RBFOX3: variants seen among roughly 807,000 people sequenced by gnomAD.
The protein encoded by RBFOX3 is RNA binding fox-1 homolog 3, also known as RNA binding protein fox-1 homolog 3.
In RBFOX3, 17 loss-of-function variants were observed where a neutral mutation model predicts 48.7. The ratio of observed to expected loss-of-function variants is 0.35; its 90% confidence interval spans 0.24 to 0.52. The LOEUF (loss-of-function observed/expected upper bound fraction) is 0.52. Among genes scored for constraint, RBFOX3 ranks in the 20% least tolerant of loss-of-function variants. The probability of loss-of-function intolerance (pLI) is 0.94; values close to 1 mark genes in which losing one functional copy is unlikely to be tolerated. For missense variants in RBFOX3, 382 were observed against 497.5 expected, an observed-to-expected ratio of 0.77 and a Z score of 2.21; for synonymous variants, 212 against 209.5, an observed-to-expected ratio of 1.01 and a Z score of -0.10.
At chr17:79,156,987 G>A (rs187864246) in intron 4 of RBFOX3, among the ~76,000 whole-genome samples, 8 of 152,332 alleles carry the variant, frequency 5.3e-5, no homozygotes, top group Non-Finnish European at 1.2e-4. Flanking sequence ...GAGCCACACT[G>A]TCTGGTCTGC....
intron 3 of RBFOX3, among the ~76,000 whole-genome samples, chr17:79,307,143 C>T (rs1338023135): frequency 1.3e-5 from 2 of 152,250 alleles, no homozygotes; most frequent in Non-Finnish European, 2.9e-5. Flanking sequence ...ATATAGGCTG[C>T]GGCCACCTCG....
chr17:79,563,335 C>T (rs2092326537), intron 1 of RBFOX3, among the ~76,000 whole-genome samples: 2 of 152,330 alleles, frequency 1.3e-5, no homozygotes, highest in Non-Finnish European at 2.9e-5. Context: ...TCAGAGACAG[C>T]GGCCTGGTGA....
intron 2 of RBFOX3, among the ~76,000 whole-genome samples, chr17:79,435,426 T>C (rs2069223261): frequency 6.6e-6 from 1 of 152,242 alleles, no homozygotes; most frequent in African/African-American, 2.4e-5. Flanking sequence ...AACACAGGCT[T>C]GTCCCCATGC....
chr17:79,136,851 G>A (rs1278510179), intron 4 of RBFOX3, among the ~76,000 whole-genome samples: 2 of 152,156 alleles, frequency 1.3e-5, no homozygotes, highest in Non-Finnish European at 2.9e-5. Flanking sequence ...CCACTTCCTA[G>A]GAGATAGTCA....
intron 1 of RBFOX3, among the ~76,000 whole-genome samples, chr17:79,512,509 G>A (rs2084487983): frequency 1.4e-5 from 2 of 145,694 alleles, no homozygotes; most frequent in East Asian, 2.1e-4. Context: ...CCCATGGCCA[G>A]GGGACACCCA....
chr17:79,603,496 G>T (rs902790005), intron 1 of RBFOX3, among the ~76,000 whole-genome samples: 80 of 152,312 alleles, frequency 5.3e-4, no homozygotes, highest in African/African-American at 1.9e-3. Flanking sequence ...GAGCTGCTGG[G>T]GGCTGCTCCA....
chr17:79,137,791 T>C (rs891953044), intron 4 of RBFOX3, among the ~76,000 whole-genome samples: 3 of 152,206 alleles, frequency 2.0e-5, no homozygotes, highest in Non-Finnish European at 4.4e-5. Flanking sequence ...AATGAAGTTT[T>C]TGGGTCTGCT....
At chr17:79,340,969 A>G (rs2081995512) in intron 2 of RBFOX3, among the ~76,000 whole-genome samples, 1 of 152,244 alleles carries the variant, frequency 6.6e-6, no homozygotes, top group Non-Finnish European at 1.5e-5. Flanking sequence ...CAATGGAGAA[A>G]CAGTTACACC....
chr17:79,474,095 T>C (rs1474341314), intron 2 of RBFOX3, among the ~76,000 whole-genome samples: 1 of 150,234 alleles, frequency 6.7e-6, no homozygotes, highest in Non-Finnish European at 1.5e-5. Context: ...GGCAACCCCC[T>C]CTGAGGAATG....
At chr17:79,626,576 T>C in the RBFOX3 span, among the ~76,000 whole-genome samples, 1 of 152,246 alleles carries the variant, frequency 6.6e-6, no homozygotes, top group Non-Finnish European at 1.5e-5. Context: ...GATATTCAGC[T>C]GGGCACCTCA....
At chr17:79,120,628 T>G (rs1276120337) in intron 4 of RBFOX3, among the ~76,000 whole-genome samples, 2 of 122,080 alleles carry the variant, frequency 1.6e-5, no homozygotes, top group East Asian at 2.4e-4. Flanking sequence ...GAAAGAAGGG[T>G]GGATGAAAAA....
In RBFOX3 at chr17:79,249,220, A is replaced by G. The variant is rs2063589328; in HGVS notation, c.-73-13415T>C. Among the ~76,000 whole-genome samples, 1 of 152,130 alleles carries G rather than the reference A, an allele frequency of 6.6e-6. No individual in the cohort carries two copies. Among genetic ancestry groups the G allele is most frequent in the Non-Finnish European group, 1.5e-5 (1 of 68,014 alleles). The stretch of plus-strand genomic sequence containing the variant: ...CTGCTTGCTGGGGCGTCGAAAGCCA[A>G]GCGCGCTCAGGTCTTCAAAGCCACC... On this transcript the variant is annotated intron_variant, in intron 3 of 14. Transcript: ENST00000693108. This position sits in a 1 kb window ranked among gnomAD's most constrained non-coding sequence, Gnocchi z 4.1.
intron 4 of RBFOX3, among the ~76,000 whole-genome samples, chr17:79,190,949 A>G (rs2146467930): frequency 6.6e-6 from 1 of 152,330 alleles, no homozygotes; most frequent in Middle Eastern, 3.4e-3. Flanking sequence ...CAATTTGGGT[A>G]GCTCCCATTG....
chr17:79,528,278 G>A (rs957196974), intron 1 of RBFOX3, among the ~76,000 whole-genome samples: 31 of 151,388 alleles, frequency 2.0e-4, no homozygotes, highest in Middle Eastern at 3.4e-3. Flanking sequence ...TAGGATCTTA[G>A]TTGAACCTCT....
chr17:79,121,576 T>C lies in RBFOX3; in HGVS notation c.-33-5828A>G, dbSNP rs145295450. Among the ~76,000 whole-genome samples the C allele has an allele frequency of 4.6e-4, 70 of 152,276 alleles. 1 individual carries two copies. Among genetic ancestry groups the C allele is most frequent in the African/African-American group, 1.5e-3 (62 of 41,558 alleles). On this transcript the variant is annotated intron_variant, in intron 4 of 14. Coordinates refer to ENST00000693108, the MANE Select transcript of RBFOX3 (RefSeq NM_001350451.2). Reference sequence around the variant, plus strand: ...CCATACTGAAAATGCAATGTGACCATTGCAATGTGACTGATGTGTCCAGTC... The same window carrying C: ...CCATACTGAAAATGCAATGTGACCACTGCAATGTGACTGATGTGTCCAGTC...
intron 4 of RBFOX3, among the ~76,000 whole-genome samples, chr17:79,172,672 G>C (rs1251291144): frequency 2.0e-5 from 3 of 152,198 alleles, no homozygotes; most frequent in African/African-American, 7.2e-5. Context: ...TTCTAGATCG[G>C]CCAGTACGTT....
intron 2 of RBFOX3, among the ~76,000 whole-genome samples, chr17:79,419,387 G>T (rs1186973477): frequency 6.6e-6 from 1 of 152,208 alleles, no homozygotes; most frequent in Admixed American, 6.5e-5. Flanking sequence ...CCACTGCCAA[G>T]ACCTACGTCT....
intron 4 of RBFOX3, among the ~76,000 whole-genome samples, chr17:79,134,819 T>C (rs1057076179): frequency 6.6e-6 from 1 of 152,130 alleles, no homozygotes; most frequent in African/African-American, 2.4e-5. Context: ...ACACTGGCAT[T>C]CCCACCAGTG....
chr17:79,588,573 C>T (rs936494176), intron 1 of RBFOX3, among the ~76,000 whole-genome samples: 3 of 152,186 alleles, frequency 2.0e-5, no homozygotes, highest in African/African-American at 7.2e-5. Context: ...CCCCACACCC[C>T]CTTCACTGCT....
Sources: gnomAD v4.1 joint callset for allele counts (sites outside exome capture counted in the v4.1 genomes callset) on GRCh38, gnomAD v4.1.1 for gene constraint, Gnocchi (gnomAD v3.1) non-coding constraint, MANE v1.5 for transcripts, NCBI Gene and HGNC (gene_info 2026-07-23, HGNC 2026-07-21) for gene names.